Variants in POU2AF1 observed in about 807,000 individuals in gnomAD.
The protein encoded by POU2AF1 is POU domain class 2-associating factor 1.
POU2AF1 carries 12 observed loss-of-function variants against 26.3 expected under a neutral mutation model. That is an observed-to-expected ratio of 0.46 (90% CI 0.29 to 0.74). POU2AF1 has a LOEUF of 0.74. Among genes scored for constraint, POU2AF1 ranks in the 30% least tolerant of loss-of-function variants. POU2AF1 has a pLI of 0.09. For missense variants in POU2AF1, 297 were observed against 334.5 expected, an observed-to-expected ratio of 0.89 and a Z score of 0.87; for synonymous variants, 175 against 148.0, an observed-to-expected ratio of 1.18 and a Z score of -1.32.
In POU2AF1 at chr11:111,354,160, T is replaced by A. The variant is rs1398692714; in HGVS notation, c.*101A>T. ...TTCTAGCTGTGCGTAGAAAGTGTAG[T>A]CATGAAATGACTACTCCAAACAAGC... is the stretch of plus-strand genomic sequence containing the variant. On this transcript the variant is annotated 3_prime_UTR_variant, in exon 5 of 5. Transcript: ENST00000393067. 7 of 1,306,996 alleles carry A rather than the reference T, an allele frequency of 5.4e-6. No homozygotes were observed. The Admixed American group carries it at 1.6e-4, about 30-fold the overall frequency. 81.0% of individuals were successfully genotyped at this position (1,306,996 alleles called of 1,614,324 possible). A position where few individuals can be genotyped will look rare whatever the true frequency, so the allele number is the denominator to read the frequency against.
chr11:111,367,667 T>C (rs1861130455), intron 1 of POU2AF1, among the ~76,000 whole-genome samples: 1 of 152,152 alleles, frequency 6.6e-6, no homozygotes, highest in Non-Finnish European at 1.5e-5. Context: ...CTTGCTCCAG[T>C]TAAAGTCTGG....
At chr11:111,364,486 C>A (rs1861067917) in intron 1 of POU2AF1, among the ~76,000 whole-genome samples, 1 of 152,232 alleles carries the variant, frequency 6.6e-6, no homozygotes, top group Non-Finnish European at 1.5e-5. Context: ...CTCCTGATGG[C>A]TCTGAGCTAA....
At chr11:111,375,374 C>T (rs1008311483) in intron 1 of POU2AF1, among the ~76,000 whole-genome samples, 1 of 146,808 alleles carries the variant, frequency 6.8e-6, no homozygotes, top group Non-Finnish European at 1.5e-5. Context: ...ATGTACAACC[C>T]CAGGATACTG....
intron 1 of POU2AF1, among the ~76,000 whole-genome samples, chr11:111,375,922 G>A (rs1474691997): frequency 6.6e-6 from 1 of 152,236 alleles, no homozygotes; most frequent in East Asian, 1.9e-4. Context: ...TACAAATGGA[G>A]TGGCAGGCCT....
At chr11:111,359,544 G>A (rs547405106) in intron 1 of POU2AF1, 2 of 184,106 alleles carry the variant, frequency 1.1e-5, no homozygotes, top group East Asian at 1.5e-4. Context: ...TGTGATCCTG[G>A]GCAAGTTACT....
chr11:111,356,135 A>G (rs1427948524), intron 4 of POU2AF1, among the ~76,000 whole-genome samples: 1 of 152,238 alleles, frequency 6.6e-6, no homozygotes, highest in East Asian at 1.9e-4. Flanking sequence ...TTTGATATAC[A>G]GAACCTTTCA....
intron 4 of POU2AF1, 116 bp from the exon 5 acceptor site, chr11:111,354,691 C>T (rs1411216356): frequency 3.2e-6 from 3 of 949,476 alleles, no homozygotes; most frequent in Non-Finnish European, 4.4e-6. Context: ...CCTGGTTTCT[C>T]ACTTCATGGG....
chr11:111,358,674 A>G (rs1180520339), intron 2 of POU2AF1, 114 bp downstream of exon 2: 14 of 1,265,080 alleles, frequency 1.1e-5, no homozygotes, highest in Non-Finnish European at 1.5e-5. Context: ...ACACACAAAC[A>G]CATACACACA....
At chr11:111,366,569 C>T (rs777144664) in intron 1 of POU2AF1, among the ~76,000 whole-genome samples, 2 of 152,178 alleles carry the variant, frequency 1.3e-5, no homozygotes, top group African/African-American at 4.8e-5. Flanking sequence ...GACATGTGCC[C>T]TCCCTGTGTC....
intron 1 of POU2AF1, among the ~76,000 whole-genome samples, chr11:111,366,644 T>C (rs956514437): frequency 1.3e-5 from 2 of 151,980 alleles, no homozygotes; most frequent in Non-Finnish European, 2.9e-5. Context: ...CATAGGCAGG[T>C]CCCCTGGGAA....
Position 111,357,778 on chromosome 11 carries a change from C to T in POU2AF1, c.190+17G>A. ...ATGAGAGGCCTGGGGGCCACCAGGG[C>T]TACGGGGCACTCTTACCCACTGTGG... On this transcript the variant is annotated intron_variant, in intron 3 of 4. Coordinates refer to ENST00000393067, the MANE Select transcript of POU2AF1 (RefSeq NM_006235.3). 1 of 1,612,814 alleles carries T rather than the reference C, an allele frequency of 6.2e-7. No individual in the cohort carries two copies. The highest frequency in any genetic ancestry group is 8.5e-7 in the Non-Finnish European group (1 of 1,179,490).
At chr11:111,371,721 C>T (rs1861212694) in intron 1 of POU2AF1, among the ~76,000 whole-genome samples, 1 of 152,092 alleles carries the variant, frequency 6.6e-6, no homozygotes, top group African/African-American at 2.4e-5. Flanking sequence ...ATAATAGCAA[C>T]TAATATTTAT....
intron 2 of POU2AF1, among the ~76,000 whole-genome samples, chr11:111,358,401 CA>C (rs1860909015): frequency 5.1e-4 from 18 of 35,448 alleles, no homozygotes; most frequent in Admixed American, 1.0e-3. Context: ...CCCTCACACA[CA>C]TACTCTCTCA....
chr11:111,372,053 C>CAG (rs1452632987), intron 1 of POU2AF1, among the ~76,000 whole-genome samples: 52 of 128,158 alleles, frequency 4.1e-4, no homozygotes, highest in East Asian at 6.5e-4. Context: ...CACACACACA[C>CAG]ACACACACAC....
At chr11:111,358,422 TCA>T (rs1565360806) in intron 2 of POU2AF1, among the ~76,000 whole-genome samples, 1 of 58,978 alleles carries the variant, frequency 1.7e-5, no homozygotes. Flanking sequence ...ACACACACGC[TCA>T]CACTCTCACA....
In POU2AF1 at chr11:111,353,057, A is replaced by T; in HGVS notation, c.*1204T>A. The stretch of plus-strand genomic sequence containing the variant: ...AGGAAGGAAGGAAGGAAGGAAGGAA[A>T]GAAACAAAACCCACATGGTAGCACT... On this transcript the variant is annotated 3_prime_UTR_variant, in exon 5 of 5. Transcript: ENST00000393067. The T allele has an allele frequency of 5.4e-6, 1 of 183,906 alleles. No individual in the cohort carries two copies. The highest frequency in any genetic ancestry group is 1.0e-5 in the Non-Finnish European group (1 of 99,772). The allele number at this position is 183,906 out of a possible 1,614,324, so 11.4% of individuals were successfully genotyped here.
chr11:111,357,529 C>T lies in POU2AF1; in HGVS notation c.372G>A (p.Val124=), dbSNP rs1860871188. 3.1e-6 allele frequency: 5 copies of T among 1,613,992 alleles called. No individual in the cohort carries two copies. Among genetic ancestry groups the T allele is most frequent in the Non-Finnish European group, 4.2e-6 (5 of 1,180,010 alleles). ...CCGTGTAGCTGGGGCACACGGGCTG[C>T]ACATACATGTCAGCTGAGTAGGGGC... ...VSCPYSADMY[V]QPVCPSYTVV... is the part of the protein sequence containing the mutation. The change falls in exon 4 of 5, where the codon GTG becomes GTA. Residue 124 remains valine (V), a synonymous_variant. Transcript: ENST00000393067.
intron 2 of POU2AF1, 127 bp downstream of exon 2, chr11:111,358,659 CTA>C (rs1860936912): frequency 3.4e-6 from 4 of 1,166,662 alleles, no homozygotes; most frequent in African/African-American, 3.1e-5. Context: ...CTCACACACT[CTA>C]TCACACACAA....
At chr11:111,359,982 T>C (rs575093752) in intron 1 of POU2AF1, 2 of 519,028 alleles carry the variant, frequency 3.9e-6, no homozygotes. Context: ...GTGATCCTTG[T>C]ACCCTGGGGC....
Sources: gnomAD v4.1 joint callset for allele counts (sites outside exome capture counted in the v4.1 genomes callset) on GRCh38, gnomAD v4.1.1 for gene constraint, MANE v1.5 for transcripts, NCBI Gene and HGNC (gene_info 2026-07-23, HGNC 2026-07-21) for gene names.